NIPBL: variants seen among roughly 807,000 people sequenced by gnomAD.
NIPBL encodes the protein NIPBL cohesin loading factor, also known as nipped-B-like protein.
NIPBL carries 19 observed loss-of-function variants against 321.8 expected under a neutral mutation model. The observed-to-expected ratio is 0.06, with a 90% CI of 0.04 to 0.09. NIPBL has a LOEUF of 0.09. Ranked by LOEUF, NIPBL falls within the 10% of genes least tolerant of loss-of-function variation. NIPBL has a pLI of 1.00. For synonymous variants in NIPBL, 1,106 were observed against 1,114.1 expected (o/e 0.99, Z 0.14); for missense variants, 2,210 against 3,327.0 (o/e 0.66, Z 8.26).
At chr5:37,064,472 A>G in intron 46 of NIPBL, 55 bp from the exon 47 acceptor site, 1 of 1,602,012 alleles carries the variant, frequency 6.2e-7, no homozygotes, top group Non-Finnish European at 8.5e-7. Flanking sequence ...CAATAATTTC[A>G]CTAAAATTCT....
intron 1 of NIPBL, among the ~76,000 whole-genome samples, chr5:36,944,412 A>C (rs1217124848): frequency 6.6e-6 from 1 of 152,092 alleles, no homozygotes; most frequent in Non-Finnish European, 1.5e-5. Context: ...AAAGTATCTG[A>C]AGCATATTCC....
chr5:36,924,254 TAATA>T (rs1400263913), intron 1 of NIPBL, among the ~76,000 whole-genome samples: 32 of 152,212 alleles, frequency 2.1e-4, no homozygotes, highest in Non-Finnish European at 2.2e-4. Context: ...TATAACTGTT[TAATA>T]AATTATTAAT....
At chr5:36,880,392 A>G (rs533657040) in intron 1 of NIPBL, among the ~76,000 whole-genome samples, 3 of 151,976 alleles carry the variant, frequency 2.0e-5, no homozygotes, top group South Asian at 2.1e-4. Flanking sequence ...AATTTCATTT[A>G]ATCCTCCTTT....
chr5:36,964,931 G>A (rs569932765), intron 6 of NIPBL, among the ~76,000 whole-genome samples: 4 of 152,156 alleles, frequency 2.6e-5, no homozygotes, highest in East Asian at 3.9e-4. Flanking sequence ...AAAAAATGCC[G>A]AACATCACTC....
intron 29 of NIPBL, among the ~76,000 whole-genome samples, chr5:37,023,256 AATC>A (rs1352721626): frequency 6.6e-6 from 1 of 152,202 alleles, no homozygotes; most frequent in Non-Finnish European, 1.5e-5. Flanking sequence ...TGAAGGGTAA[AATC>A]AACAGGATTC....
chr5:36,988,612 C>T (rs747428100), intron 10 of NIPBL, among the ~76,000 whole-genome samples: 1 of 151,760 alleles, frequency 6.6e-6, no homozygotes, highest in Non-Finnish European at 1.5e-5. Context: ...GTATATGAAG[C>T]ACAGTTGTAG....
chr5:36,983,021 A>C (rs1423231883), intron 9 of NIPBL, among the ~76,000 whole-genome samples: 2 of 151,996 alleles, frequency 1.3e-5, no homozygotes, highest in Admixed American at 6.6e-5. Context: ...TATTCATGAG[A>C]TATCAATTGG....
intron 42 of NIPBL, among the ~76,000 whole-genome samples, chr5:37,054,496 G>T (rs1219028286): frequency 6.6e-6 from 1 of 152,188 alleles, no homozygotes; most frequent in East Asian, 1.9e-4. Context: ...ATTACGGTTA[G>T]TATATCCTGA....
chr5:37,054,427 C>CT (rs550426986), intron 42 of NIPBL, among the ~76,000 whole-genome samples: 110 of 152,262 alleles, frequency 7.2e-4, no homozygotes, highest in Middle Eastern at 6.8e-3. Context: ...TAATGTAGTG[C>CT]TTTTGCCCTG....
chr5:37,007,289 A>G (rs1444612646), intron 17 of NIPBL, 34 bp from the exon 18 acceptor site: 1 of 1,585,008 alleles, frequency 6.3e-7, no homozygotes, highest in Admixed American at 1.7e-5. Flanking sequence ...TTAAAAGTTG[A>G]TGTTTTCCTT....
At chr5:36,972,566 A>C (rs1398988183) in intron 8 of NIPBL, among the ~76,000 whole-genome samples, 1 of 152,104 alleles carries the variant, frequency 6.6e-6, no homozygotes, top group Non-Finnish European at 1.5e-5. Flanking sequence ...ATTTTCATGC[A>C]TAAGACTCCT....
intron 1 of NIPBL, among the ~76,000 whole-genome samples, chr5:36,936,662 T>TG (rs1186382632): frequency 6.6e-6 from 1 of 152,108 alleles, no homozygotes; most frequent in African/African-American, 2.4e-5. Flanking sequence ...ACCATCCCAT[T>TG]TTACCTTCCT....
chr5:36,927,726 A>G (rs960818443), intron 1 of NIPBL, among the ~76,000 whole-genome samples: 2 of 152,228 alleles, frequency 1.3e-5, no homozygotes, highest in Admixed American at 6.5e-5. Flanking sequence ...GATGGTTGTT[A>G]GACATCCAAA....
At chr5:37,050,447 T>C (rs1579576614) in intron 40 of NIPBL, among the ~76,000 whole-genome samples, 1 of 140,160 alleles carries the variant, frequency 7.1e-6, no homozygotes, top group Admixed American at 7.8e-5. Context: ...GCCATTGCAC[T>C]CCAGCCTGGC....
chr5:36,952,053 TGCGCGCGCGC>T (rs1554010277), intron 1 of NIPBL, among the ~76,000 whole-genome samples: 1,909 of 112,222 alleles, frequency 0.017, 30 homozygotes, highest in Middle Eastern at 0.023. Context: ...TGTGTGTGTG[TGCGCGCGCGC>T]GCGCGCGCGC....
At chr5:36,953,859 A>T in intron 2 of NIPBL, 99 bp downstream of exon 2, 4 of 1,046,730 alleles carry the variant, frequency 3.8e-6, no homozygotes, top group Non-Finnish European at 5.9e-6. Flanking sequence ...TTTAAAACAC[A>T]TTTACAGAAA....
chr5:36,878,744 A>G lies in NIPBL; in HGVS notation c.-80+1566A>G, dbSNP rs192870548. 3.3e-4 allele frequency among the ~76,000 whole-genome samples: 50 copies of G among 152,344 alleles called. 1 individual carries two copies. Among genetic ancestry groups the G allele is most frequent in the Admixed American group, 2.9e-3 (44 of 15,298 alleles). Reference sequence around the variant, plus strand: ...AAATGTTTAAAAGAATGAAGTTAATATAGCTGTCACGTACTAGGCATGTTT... The same window carrying G: ...AAATGTTTAAAAGAATGAAGTTAATGTAGCTGTCACGTACTAGGCATGTTT... On this transcript the variant is annotated intron_variant, in intron 1 of 46. Coordinates refer to ENST00000282516, the MANE Select transcript of NIPBL (RefSeq NM_133433.4).
At chr5:36,887,430 A>G (rs1405620699) in intron 1 of NIPBL, among the ~76,000 whole-genome samples, 1 of 152,222 alleles carries the variant, frequency 6.6e-6, no homozygotes, top group African/African-American at 2.4e-5. Context: ...GATTAAAGTT[A>G]GAAAAGCAGT....
intron 1 of NIPBL, among the ~76,000 whole-genome samples, chr5:36,916,860 A>G (rs965816973): frequency 1.3e-5 from 2 of 152,122 alleles, no homozygotes; most frequent in East Asian, 1.9e-4. Context: ...ATAGTATTCC[A>G]TGGTGTATAT....
Sources: gnomAD v4.1 joint callset for allele counts (sites outside exome capture counted in the v4.1 genomes callset) on GRCh38, gnomAD v4.1.1 for gene constraint, MANE v1.5 for transcripts, NCBI Gene and HGNC (gene_info 2026-07-23, HGNC 2026-07-21) for gene names.